Variants in CCSER1 observed in about 807,000 individuals in gnomAD.
CCSER1 encodes the protein serine-rich coiled-coil domain-containing protein 1.
In CCSER1, 41 loss-of-function variants were observed where a neutral mutation model predicts 82.0. That is an observed-to-expected ratio of 0.50 (90% CI 0.39 to 0.65). CCSER1 has a LOEUF of 0.65. Among genes scored for constraint, CCSER1 ranks in the 30% least tolerant of loss-of-function variants. The pLI is 0.00. For missense variants in CCSER1, 1,119 were observed against 1,064.2 expected (o/e 1.05, Z -0.72); for synonymous variants, 414 against 383.9 (o/e 1.08, Z -0.92).
At chr4:91,146,631 C>T (rs539485181) in intron 10 of CCSER1, among the ~76,000 whole-genome samples, 1 of 149,242 alleles carries the variant, frequency 6.7e-6, no homozygotes, top group South Asian at 2.1e-4. Context: ...TTTTTATATT[C>T]TTTTTTTCCC....
intron 6 of CCSER1, among the ~76,000 whole-genome samples, chr4:90,648,687 G>A (rs1186841761): frequency 6.6e-6 from 1 of 152,194 alleles, no homozygotes; most frequent in Non-Finnish European, 1.5e-5. Flanking sequence ...AAGAGAAGCT[G>A]TAGGAGAAAC....
chr4:91,048,053 C>T (rs1742667182), intron 9 of CCSER1, among the ~76,000 whole-genome samples: 1 of 151,956 alleles, frequency 6.6e-6, no homozygotes. Context: ...ATTATTCACT[C>T]ACCCCAACTG....
intron 1 of CCSER1, among the ~76,000 whole-genome samples, chr4:90,284,535 T>C (rs975745578): frequency 1.3e-5 from 2 of 151,450 alleles, no homozygotes; most frequent in Admixed American, 6.6e-5. Context: ...GTTCTGTCAC[T>C]TAGGCTGGAG....
intron 5 of CCSER1, among the ~76,000 whole-genome samples, chr4:90,589,620 T>A (rs1782450117): frequency 6.6e-6 from 1 of 152,122 alleles, no homozygotes; most frequent in Non-Finnish European, 1.5e-5. Context: ...ATTCTTACAT[T>A]TATTATGATA....
chr4:90,436,577 G>A (rs947303376), intron 4 of CCSER1, among the ~76,000 whole-genome samples: 4 of 152,112 alleles, frequency 2.6e-5, no homozygotes, highest in African/African-American at 9.7e-5. Flanking sequence ...TGAAGAAATT[G>A]AGACTTAAAG....
chr4:90,690,118 T>G (rs544849849), intron 6 of CCSER1, among the ~76,000 whole-genome samples: 1 of 152,168 alleles, frequency 6.6e-6, no homozygotes, highest in South Asian at 2.1e-4. Context: ...GGAATATGTT[T>G]GGGGCACCAG....
chr4:91,402,937 C>T (rs111666156), intron 10 of CCSER1, among the ~76,000 whole-genome samples: 3,651 of 152,226 alleles, frequency 0.024, 78 homozygotes, highest in Non-Finnish European at 0.034. Flanking sequence ...TGAAGAAAGT[C>T]ATTGGTAGCT....
At chr4:90,616,683 T>TCACACACA (rs56988615) in intron 5 of CCSER1, among the ~76,000 whole-genome samples, 23 of 120,304 alleles carry the variant, frequency 1.9e-4, no homozygotes, top group Non-Finnish European at 3.6e-4. Flanking sequence ...TGGCTCTGTC[T>TCACACACA]CACACACACA....
chr4:90,433,281 C>G (rs774294244), intron 4 of CCSER1, among the ~76,000 whole-genome samples: 4 of 151,972 alleles, frequency 2.6e-5, no homozygotes, highest in Non-Finnish European at 5.9e-5. Flanking sequence ...TTCGGGCCAC[C>G]CTTGACTCCT....
intron 7 of CCSER1, among the ~76,000 whole-genome samples, chr4:90,754,101 T>A (rs1041160771): frequency 6.6e-6 from 1 of 152,208 alleles, no homozygotes; most frequent in African/African-American, 2.4e-5. Context: ...ATGGCACTTA[T>A]TATTTTTCAT....
intron 10 of CCSER1, chr4:91,319,170 T>C: frequency 4.7e-6 from 1 of 211,832 alleles, no homozygotes; most frequent in Non-Finnish European, 9.8e-6. Flanking sequence ...GATGCATAAG[T>C]TTACATGAAG....
Position 91,248,049 on chromosome 4 carries a change from G to A in CCSER1, c.2217+162055G>A, listed in dbSNP as rs545876868. ...GAGACAACAGCAAGAAAAAAGAAAAGAAAACAAAACAACACACATATTGTA... is the reference window on the plus strand; with the variant it reads ...GAGACAACAGCAAGAAAAAAGAAAAAAAAACAAAACAACACACATATTGTA... On this transcript the variant is annotated intron_variant, in intron 10 of 10. Coordinates refer to ENST00000509176, the MANE Select transcript of CCSER1 (RefSeq NM_001145065.2). 2.0e-5 allele frequency among the ~76,000 whole-genome samples: 3 copies of A among 152,026 alleles called. 1 individual carries two copies. The South Asian group carries it at 6.2e-4, about 31-fold the overall frequency.
intron 1 of CCSER1, among the ~76,000 whole-genome samples, chr4:90,159,351 C>T (rs1359271862): frequency 6.6e-6 from 1 of 152,068 alleles, no homozygotes; most frequent in African/African-American, 2.4e-5. Flanking sequence ...GGCCCATTGC[C>T]AGGTTTTATA....
intron 5 of CCSER1, among the ~76,000 whole-genome samples, chr4:90,508,643 G>C (rs1291970808): frequency 6.6e-6 from 1 of 151,938 alleles, no homozygotes; most frequent in Non-Finnish European, 1.5e-5. Flanking sequence ...GAACATTTGG[G>C]TATTGCTGTC....
intron 7 of CCSER1, among the ~76,000 whole-genome samples, chr4:90,804,810 T>C (rs1027535124): frequency 1.3e-5 from 2 of 152,170 alleles, no homozygotes; most frequent in Non-Finnish European, 2.9e-5. Context: ...TTTCTGAGTA[T>C]GTGGCTGTAA....
intron 6 of CCSER1, among the ~76,000 whole-genome samples, chr4:90,637,190 C>G (rs538149306): frequency 6.6e-6 from 1 of 152,228 alleles, no homozygotes; most frequent in Admixed American, 6.5e-5. Flanking sequence ...CTTGGCTAAA[C>G]TTGAAGATCT....
chr4:91,458,930 A>C (rs1049923088), intron 10 of CCSER1, among the ~76,000 whole-genome samples: 1 of 152,034 alleles, frequency 6.6e-6, no homozygotes, highest in Non-Finnish European at 1.5e-5. Flanking sequence ...TCCTCTCCCT[A>C]TTTTTGATGA....
intron 10 of CCSER1, among the ~76,000 whole-genome samples, chr4:91,565,363 T>C (rs1214518925): frequency 6.6e-6 from 1 of 151,946 alleles, no homozygotes; most frequent in African/African-American, 2.4e-5. Context: ...TTTTTGTTCA[T>C]GATTGCCTTG....
chr4:90,487,645 CTTTG>C (rs936340335), intron 5 of CCSER1, among the ~76,000 whole-genome samples: 35 of 151,998 alleles, frequency 2.3e-4, no homozygotes, highest in African/African-American at 7.7e-4. Flanking sequence ...TCTAGTGTTT[CTTTG>C]TTTGTTTGTT....
Sources: gnomAD v4.1 joint callset for allele counts (sites outside exome capture counted in the v4.1 genomes callset) on GRCh38, gnomAD v4.1.1 for gene constraint, MANE v1.5 for transcripts, NCBI Gene and HGNC (gene_info 2026-07-23, HGNC 2026-07-21) for gene names.